Variants in TP73 observed in about 807,000 individuals in gnomAD.
The protein encoded by TP73 is tumor protein p73, also known as p53-like transcription factor.
In TP73, 25 loss-of-function variants were observed where a neutral mutation model predicts 62.5. The ratio of observed to expected loss-of-function variants is 0.40; its 90% CI spans 0.29 to 0.56. TP73 has a LOEUF of 0.56. Among genes scored for constraint, TP73 ranks in the 20% least tolerant of loss-of-function variants. The pLI is 0.46. For missense variants in TP73, 754 were observed against 913.3 expected, an observed-to-expected ratio of 0.83 and a Z score of 2.25; for synonymous variants, 423 against 377.5, an observed-to-expected ratio of 1.12 and a Z score of -1.40.
At chr1:3,667,314 C>T (rs529623425) in intron 1 of TP73, among the ~76,000 whole-genome samples, 32 of 152,316 alleles carry the variant, frequency 2.1e-4, no homozygotes, top group African/African-American at 6.7e-4. Flanking sequence ...GTACCCATCT[C>T]GGACTCTGAC....
chr1:3,659,524 C>T (rs909126067), intron 1 of TP73: 2 of 152,142 alleles, frequency 1.3e-5, no homozygotes, highest in African/African-American at 4.8e-5. Context: ...ACATCAGGAA[C>T]CCGTCCAGTT....
intron 4 of TP73, among the ~76,000 whole-genome samples, chr1:3,714,853 A>T (rs1378705280): frequency 6.6e-6 from 1 of 152,210 alleles, no homozygotes; most frequent in East Asian, 1.9e-4. Flanking sequence ...TCTGTCCCCA[A>T]GGCCCCAGAT....
chr1:3,713,037 G>A (rs924547954), intron 4 of TP73, among the ~76,000 whole-genome samples: 9 of 152,224 alleles, frequency 5.9e-5, no homozygotes, highest in African/African-American at 2.2e-4. Context: ...CACCTCAGAG[G>A]GACCTGCCTG....
chr1:3,653,403 C>G (rs1299735269), intron 1 of TP73, among the ~76,000 whole-genome samples: 1 of 152,208 alleles, frequency 6.6e-6, no homozygotes, highest in African/African-American at 2.4e-5. Flanking sequence ...ACTTGGGGAG[C>G]GATGATTACC....
At chr1:3,660,043 C>T (rs924770229) in intron 1 of TP73, among the ~76,000 whole-genome samples, 4 of 152,194 alleles carry the variant, frequency 2.6e-5, no homozygotes, top group African/African-American at 9.7e-5. Context: ...ATTATTTGCA[C>T]AAGTGCAGCA....
rs1645022781 is a variant in TP73 at position 3,662,673 on chromosome 1, C to T, written c.-34+10032C>T. 1.3e-5 allele frequency among the ~76,000 whole-genome samples: 2 copies of T among 152,220 alleles called. No homozygotes were observed. Among genetic ancestry groups the T allele is most frequent in the African/African-American group, 4.8e-5 (2 of 41,462 alleles). Reference sequence around the variant, plus strand: ...TACCCAAGGCATGTTTGGGGTGGCACATTCTGCCCCCTCAAGCCATGTTTT... The same window carrying T: ...TACCCAAGGCATGTTTGGGGTGGCATATTCTGCCCCCTCAAGCCATGTTTT... On this transcript the variant is annotated intron_variant, in intron 1 of 13. Transcript: ENST00000378295. The surrounding 1 kb of genome is among the most constrained non-coding windows in gnomAD (Gnocchi z 4.4).
intron 1 of TP73, among the ~76,000 whole-genome samples, chr1:3,673,292 C>T (rs755665982): frequency 3.3e-5 from 5 of 152,180 alleles, no homozygotes; most frequent in Admixed American, 1.3e-4. Flanking sequence ...CCCACCTTTC[C>T]GCCCCCGTGT....
Position 3,666,668 on chromosome 1 carries a change from G to T in TP73, c.-34+14027G>T, listed in dbSNP as rs905377471. Among the ~76,000 whole-genome samples, 6 of 152,108 alleles carry T rather than the reference G, an allele frequency of 3.9e-5. No homozygotes were observed. Among genetic ancestry groups the T allele is most frequent in the African/African-American group, 1.4e-4 (6 of 41,404 alleles). ...TAGGGTGCCCTTTGACCTCAAAGAGGCCTGTCCTGTGTGTCTCACTGAGCA... is the reference window on the plus strand; with the variant it reads ...TAGGGTGCCCTTTGACCTCAAAGAGTCCTGTCCTGTGTGTCTCACTGAGCA... On this transcript the variant is annotated intron_variant, in intron 1 of 13. Transcript: ENST00000378295. The surrounding 1 kb of genome is among the most constrained non-coding windows in gnomAD (Gnocchi z 6.4).
chr1:3,723,909 G>A (rs375408199), intron 6 of TP73, among the ~76,000 whole-genome samples: 172 of 152,286 alleles, frequency 1.1e-3, no homozygotes, highest in African/African-American at 4.1e-3. Context: ...ATTCTACAAA[G>A]GGGGTTGAGG....
chr1:3,712,601 C>G (rs1410441349), intron 4 of TP73, among the ~76,000 whole-genome samples: 1 of 152,174 alleles, frequency 6.6e-6, no homozygotes, highest in Non-Finnish European at 1.5e-5. Flanking sequence ...AGGCATGAGA[C>G]TGTTGGGGGA....
intron 4 of TP73, chr1:3,712,294 T>C (rs1180142255): frequency 6.6e-6 from 1 of 152,240 alleles, no homozygotes; most frequent in African/African-American, 2.4e-5. Context: ...GCTGATATCA[T>C]GTGGCGCAGG....
In TP73 at chr1:3,666,566, CG is replaced by C. The variant is rs1174601312; in HGVS notation, c.-34+13931del. Reference sequence around the variant, plus strand: ...CTGACAGTGAAGGTGGGTGCGTGGGCGGGGGGCTTTTAATGGTCCCTCTGCT... The same window carrying C: ...CTGACAGTGAAGGTGGGTGCGTGGGCGGGGGCTTTTAATGGTCCCTCTGCT... On this transcript the variant is annotated intron_variant, in intron 1 of 13. Coordinates refer to ENST00000378295, the MANE Select transcript of TP73 (RefSeq NM_005427.4). This position sits in a 1 kb window ranked among gnomAD's most constrained non-coding sequence, Gnocchi z 6.4. Among the ~76,000 whole-genome samples the C allele has an allele frequency of 2.0e-5, 3 of 152,124 alleles. No individual in the cohort carries two copies. The East Asian group carries it at 5.8e-4, about 29-fold the overall frequency.
At chr1:3,674,545 C>A (rs1207736002) in intron 1 of TP73, among the ~76,000 whole-genome samples, 1 of 152,228 alleles carries the variant, frequency 6.6e-6, no homozygotes, top group Non-Finnish European at 1.5e-5. Context: ...CGAAGCCGTC[C>A]TGGCAACCCT....
rs3841787 is a variant in TP73 at position 3,711,846 on chromosome 1, A to ATGTGTGTGTGTGTG, written c.429+4064_429+4077dup. 2.7e-3 allele frequency among the ~76,000 whole-genome samples: 403 copies of ATGTGTGTGTGTGTG among 150,212 alleles called. 4 individuals are homozygous for ATGTGTGTGTGTGTG. The highest frequency in any genetic ancestry group is 9.5e-3 in the African/African-American group (387 of 40,844). On this transcript the variant is annotated intron_variant, in intron 4 of 13. Coordinates refer to ENST00000378295, the MANE Select transcript of TP73 (RefSeq NM_005427.4). ...CGTGTGTGTGTGCGCGAGCGTGTGT[A>ATGTGTGTGTGTGTG]TGTGTGTGTGTGTGTGTGTGTGCGC... is the stretch of plus-strand genomic sequence containing the variant.
intron 1 of TP73, among the ~76,000 whole-genome samples, chr1:3,657,136 G>A (rs7534180): frequency 0.02 from 3,079 of 152,312 alleles, 108 homozygotes; most frequent in African/African-American, 0.069. Context: ...TGTTACAAAT[G>A]ACCACAAATT....
chr1:3,703,227 G>A (rs976687443), intron 3 of TP73, among the ~76,000 whole-genome samples: 4 of 152,234 alleles, frequency 2.6e-5, no homozygotes, highest in Non-Finnish European at 5.9e-5. Context: ...CAGGGAGAGA[G>A]GTCCCCTGGA....
intron 1 of TP73, among the ~76,000 whole-genome samples, chr1:3,681,958 C>T (rs368603853): frequency 1.4e-4 from 22 of 152,208 alleles, no homozygotes; most frequent in African/African-American, 4.8e-4. Flanking sequence ...ACGCTTGTCC[C>T]GGCCCAAGCA....
chr1:3,677,689 C>CTT (rs1215137164), intron 1 of TP73, among the ~76,000 whole-genome samples: 13 of 137,264 alleles, frequency 9.5e-5, no homozygotes, highest in Non-Finnish European at 1.1e-4. Flanking sequence ...TCCTTCCTTC[C>CTT]CTTTTTTTTT....
chr1:3,677,294 C>T lies in TP73; in HGVS notation c.-33-5039C>T, dbSNP rs577646170. Among the ~76,000 whole-genome samples the T allele has an allele frequency of 1.0e-3, 155 of 152,230 alleles. 1 individual carries two copies. Among genetic ancestry groups the T allele is most frequent in the Middle Eastern group, 6.8e-3 (2 of 294 alleles). ...CAAGCAGGCTGAGGTCTGGGTTTGC[C>T]GGAGGGCCCTCGGTGGCTGGTCTTT... On this transcript the variant is annotated intron_variant, in intron 1 of 13. Transcript: ENST00000378295.
Sources: gnomAD v4.1 joint callset for allele counts (sites outside exome capture counted in the v4.1 genomes callset) on GRCh38, gnomAD v4.1.1 for gene constraint, Gnocchi (gnomAD v3.1) non-coding constraint, MANE v1.5 for transcripts, NCBI Gene and HGNC (gene_info 2026-07-23, HGNC 2026-07-21) for gene names.